ZNF334: variants seen among roughly 807,000 people sequenced by gnomAD.
ZNF334 encodes zinc finger protein 334.
Under a neutral mutation model 12.4 loss-of-function variants are expected in ZNF334, and 14 were observed. The ratio of observed to expected loss-of-function variants is 1.13; its 90% CI spans 0.74 to 1.76. ZNF334 has a LOEUF of 1.76. ZNF334 is among the 40% of genes most tolerant of loss of function. The pLI is 0.00. For missense variants in ZNF334, 797 were observed against 804.5 expected (o/e 0.99, Z 0.11); for synonymous variants, 273 against 269.6 (o/e 1.01, Z -0.12).
At chr20:46,478,433 T>C in the ZNF334 span, among the ~76,000 whole-genome samples, 1 of 152,184 alleles carries the variant, frequency 6.6e-6, no homozygotes, top group East Asian at 1.9e-4. Context: ...TTAGAATCAA[T>C]GGAAAGGAAC....
At chr20:46,471,823 A>G in the ZNF334 span, among the ~76,000 whole-genome samples, 1 of 152,146 alleles carries the variant, frequency 6.6e-6, no homozygotes, top group Non-Finnish European at 1.5e-5. Flanking sequence ...ATACTTAATT[A>G]CTGTAATTTT....
chr20:46,482,836 G>C, the ZNF334 span, among the ~76,000 whole-genome samples: 1 of 152,148 alleles, frequency 6.6e-6, no homozygotes, highest in Admixed American at 6.5e-5. Flanking sequence ...CTCAACATCT[G>C]CAACGTGTTC....
chr20:46,507,701 C>T (rs531124531), intron 2 of ZNF334, among the ~76,000 whole-genome samples: 5 of 152,316 alleles, frequency 3.3e-5, no homozygotes, highest in Admixed American at 1.3e-4. Flanking sequence ...CTAGGTCACC[C>T]GTCTTTCTTT....
At chr20:46,482,404 G>A in the ZNF334 span, among the ~76,000 whole-genome samples, 2 of 152,272 alleles carry the variant, frequency 1.3e-5, no homozygotes, top group South Asian at 2.1e-4. Flanking sequence ...GAATTCCATT[G>A]AATCATAAAC....
the ZNF334 span, among the ~76,000 whole-genome samples, chr20:46,468,537 A>T: frequency 2.1e-4 from 32 of 151,856 alleles, 2 homozygotes; most frequent in African/African-American, 7.7e-4. Flanking sequence ...CACCCGCCTC[A>T]GCCTCCGTAA....
chr20:46,488,697 G>A, the ZNF334 span, among the ~76,000 whole-genome samples: 1,237 of 151,610 alleles, frequency 8.2e-3, 23 homozygotes, highest in African/African-American at 0.028. Context: ...TACTTGTAGC[G>A]CAACTCTGCT....
chr20:46,479,179 G>T, the ZNF334 span, among the ~76,000 whole-genome samples: 3 of 152,156 alleles, frequency 2.0e-5, no homozygotes, highest in Non-Finnish European at 2.9e-5. Context: ...GCTCTAGGGG[G>T]GAACCTGTCT....
chr20:46,479,850 C>T, the ZNF334 span, among the ~76,000 whole-genome samples: 2 of 152,182 alleles, frequency 1.3e-5, no homozygotes, highest in Non-Finnish European at 2.9e-5. Context: ...CACAACTCTC[C>T]CCACCCGCTT....
chr20:46,477,139 C>T, the ZNF334 span: 1 of 152,158 alleles, frequency 6.6e-6, no homozygotes, highest in African/African-American at 2.4e-5. Flanking sequence ...GCTTCTGCTT[C>T]CATAAACAGA....
At position 46,504,895 on chromosome 20, in the gene ZNF334, C is replaced by A. The variant is rs2061377756; in HGVS notation, c.22-155G>T. The stretch of plus-strand genomic sequence containing the variant: ...AAAATTAAAAATCTGTCACTGTGTT[C>A]ATTTTTTAAAATGAATTTTAAAAAT... On this transcript the variant is annotated intron_variant, in intron 2 of 4. Transcript: ENST00000692313. The A allele has an allele frequency of 1.6e-5, 9 of 579,012 alleles. No homozygotes were observed. In the South Asian group the frequency reaches 3.0e-4, roughly 20 times the overall value. 35.9% of individuals were successfully genotyped at this position (579,012 alleles called of 1,614,324 possible). A position where few individuals can be genotyped will look rare whatever the true frequency, so the allele number is the denominator to read the frequency against.
At chr20:46,510,217 G>C (rs554622892) in intron 2 of ZNF334, among the ~76,000 whole-genome samples, 1 of 152,224 alleles carries the variant, frequency 6.6e-6, no homozygotes, top group Admixed American at 6.5e-5. Context: ...TGGCATTTTG[G>C]AGGAATTGGT....
In ZNF334 at chr20:46,504,609, C is replaced by T; in HGVS notation, c.148+5G>A. 6.3e-7 allele frequency: 1 copy of T among 1,591,052 alleles called. No individual in the cohort carries two copies. Among genetic ancestry groups the T allele is most frequent in the Non-Finnish European group, 8.5e-7 (1 of 1,172,564 alleles). ...TTGGGAGTTGTACAGGGAAATAGTC[C>T]TTACCCACAGAGACCAAGTTGCTGT... On this transcript the variant is annotated splice_donor_5th_base_variant and intron_variant, in intron 3 of 4. Transcript: ENST00000692313.
chr20:46,494,761 A>T (rs1297922592), downstream of ZNF334, among the ~76,000 whole-genome samples: 1 of 152,210 alleles, frequency 6.6e-6, no homozygotes. Context: ...CTAACTCTAA[A>T]GTCTAGAGTG....
intron 2 of ZNF334, among the ~76,000 whole-genome samples, chr20:46,510,121 A>G (rs754221504): frequency 2.0e-5 from 3 of 152,210 alleles, no homozygotes; most frequent in Non-Finnish European, 2.9e-5. Flanking sequence ...ACATAGCCTT[A>G]CAGGTCATAC....
At chr20:46,477,905 A>G in the ZNF334 span, among the ~76,000 whole-genome samples, 1 of 152,252 alleles carries the variant, frequency 6.6e-6, no homozygotes, top group Admixed American at 6.5e-5. Context: ...ATCTTTCGGT[A>G]TAACTGGGCT....
chr20:46,504,369 G>A, intron 3 of ZNF334, 63 bp from the exon 4 acceptor site: 1 of 1,437,808 alleles, frequency 7.0e-7, no homozygotes, highest in Middle Eastern at 1.8e-4. Context: ...TCTGAAGAAT[G>A]AAGAAAGTAC....
chr20:46,509,450 CACT>C (rs1484613311), intron 2 of ZNF334, among the ~76,000 whole-genome samples: 1 of 152,210 alleles, frequency 6.6e-6, no homozygotes, highest in Non-Finnish European at 1.5e-5. Context: ...CCCACCAACT[CACT>C]ACAAGCCCCA....
At chr20:46,463,266 C>A in the ZNF334 span, among the ~76,000 whole-genome samples, 11 of 152,238 alleles carry the variant, frequency 7.2e-5, no homozygotes, top group African/African-American at 2.6e-4. Context: ...AATAAACAAA[C>A]AACAAACAAA....
the ZNF334 span, among the ~76,000 whole-genome samples, chr20:46,462,331 T>C: frequency 1.1e-4 from 17 of 152,222 alleles, no homozygotes; most frequent in Non-Finnish European, 2.1e-4. Flanking sequence ...AGAAATTCTT[T>C]TAATAACTTA....
Sources: gnomAD v4.1 joint callset for allele counts (sites outside exome capture counted in the v4.1 genomes callset) on GRCh38, gnomAD v4.1.1 for gene constraint, MANE v1.5 for transcripts, NCBI Gene and HGNC (gene_info 2026-07-23, HGNC 2026-07-21) for gene names.